RASSF9: variants seen among roughly 807,000 people sequenced by gnomAD.
RASSF9 encodes the protein ras association domain-containing protein 9.
In RASSF9, 18 loss-of-function variants were observed where a neutral mutation model predicts 21.4. That is an observed-to-expected ratio of 0.84 (90% confidence interval 0.58 to 1.25). The LOEUF (loss-of-function observed/expected upper bound fraction) is 1.25. RASSF9 is among the 50% of genes most tolerant of loss of function. The pLI, the probability that RASSF9 is intolerant of heterozygous loss-of-function variation, is 0.00. For missense variants in RASSF9, 480 were observed against 503.2 expected, an observed-to-expected ratio of 0.95 and a Z score of 0.44; for synonymous variants, 183 against 179.1, an observed-to-expected ratio of 1.02 and a Z score of -0.18.
intron 1 of RASSF9, among the ~76,000 whole-genome samples, chr12:85,812,813 T>C (rs1879980990): frequency 6.6e-6 from 1 of 151,754 alleles, no homozygotes; most frequent in Non-Finnish European, 1.5e-5. Flanking sequence ...TTGAACTTAC[T>C]ATAGTAGTTA....
rs146458771 is a variant in RASSF9 at position 85,804,254 on chromosome 12, C to G, written c.*448G>C. On this transcript the variant is annotated 3_prime_UTR_variant, in exon 2 of 2. Coordinates refer to ENST00000361228, the MANE Select transcript of RASSF9 (RefSeq NM_005447.4). The stretch of plus-strand genomic sequence containing the variant: ...ACTTTGAATTAATGCAGTTACAACA[C>G]AGTAGCTCCCATATACTTTACAGAT... 1,356 of 154,674 alleles carry G rather than the reference C, an allele frequency of 8.8e-3. 13 individuals are homozygous for G. The highest frequency in any genetic ancestry group is 0.015 in the Non-Finnish European group (1,080 of 69,700). The allele number at this position is 154,674 out of a possible 1,614,324, so 9.6% of individuals were successfully genotyped here. A position where few individuals can be genotyped will look rare whatever the true frequency, so the allele number is the denominator to read the frequency against.
At chr12:85,826,596 T>C (rs4919778) in intron 1 of RASSF9, among the ~76,000 whole-genome samples, 134,341 of 151,538 alleles carry the variant, frequency 0.89, 59,734 homozygotes, top group East Asian at 1. Context: ...TACAGGCACC[T>C]GCCACCGTGC....
chr12:85,826,422 G>A (rs1880333522), intron 1 of RASSF9, among the ~76,000 whole-genome samples: 1 of 149,254 alleles, frequency 6.7e-6, no homozygotes, highest in South Asian at 2.1e-4. Flanking sequence ...TGGCCCACTC[G>A]TATTCTTTCT....
chr12:85,831,514 T>C (rs1880451322), intron 1 of RASSF9, among the ~76,000 whole-genome samples: 1 of 151,918 alleles, frequency 6.6e-6, no homozygotes, highest in Non-Finnish European at 1.5e-5. Context: ...TTGTCAGGGA[T>C]AAAGCATTCC....
At chr12:85,825,143 C>A (rs1005266621) in intron 1 of RASSF9, among the ~76,000 whole-genome samples, 2 of 152,138 alleles carry the variant, frequency 1.3e-5, no homozygotes, top group South Asian at 4.1e-4. Flanking sequence ...GCTAGGATTA[C>A]AGGTGCGTGC....
chr12:85,816,671 C>A (rs903796454), intron 1 of RASSF9, among the ~76,000 whole-genome samples: 15 of 151,874 alleles, frequency 9.9e-5, no homozygotes, highest in Non-Finnish European at 7.4e-5. Context: ...CTAACATATG[C>A]AATATGAAAT....
intron 1 of RASSF9, among the ~76,000 whole-genome samples, chr12:85,830,290 T>C (rs1477624977): frequency 6.6e-6 from 1 of 152,128 alleles, no homozygotes; most frequent in Admixed American, 6.5e-5. Flanking sequence ...GTATGTCATC[T>C]ATTTATTAGA....
In RASSF9 at chr12:85,808,169, C is replaced by T. The variant is rs180716347; in HGVS notation, c.48-2207G>A. Among the ~76,000 whole-genome samples, 269 of 131,428 alleles carry T rather than the reference C, an allele frequency of 2.0e-3. 12 individuals carry two copies. In the East Asian group the frequency reaches 0.042, roughly 21 times the overall value. The allele number at this position is 131,428 out of a possible 152,430, so 86.2% of individuals were successfully genotyped here. A position where few individuals can be genotyped will look rare whatever the true frequency, so the allele number is the denominator to read the frequency against. On this transcript the variant is annotated intron_variant, in intron 1 of 1. Transcript: ENST00000361228. ...TGTTGCTATCTTTATTTTAAATTAACTAACTCTTATACTTTGGTTATTGAC... is the reference window on the plus strand; with the variant it reads ...TGTTGCTATCTTTATTTTAAATTAATTAACTCTTATACTTTGGTTATTGAC...
intron 1 of RASSF9, among the ~76,000 whole-genome samples, chr12:85,834,212 T>G (rs1880512770): frequency 6.6e-6 from 1 of 152,038 alleles, no homozygotes; most frequent in Non-Finnish European, 1.5e-5. Context: ...AATACAAATC[T>G]GTAAAGGGAA....
chr12:85,814,844 T>A (rs1337487775), intron 1 of RASSF9, among the ~76,000 whole-genome samples: 1 of 152,034 alleles, frequency 6.6e-6, no homozygotes, highest in Non-Finnish European at 1.5e-5. Flanking sequence ...GAAATTGTAT[T>A]TGAATATATG....
chr12:85,805,922 C>A lies in RASSF9; in HGVS notation c.88G>T (p.Val30Leu), dbSNP rs747848418. 2 of 1,613,008 alleles carry A rather than the reference C, an allele frequency of 1.2e-6. No individual in the cohort carries two copies. Among genetic ancestry groups the A allele is most frequent in the Non-Finnish European group, 1.7e-6 (2 of 1,179,356 alleles). Residue 30 changes from valine to leucine, a missense_variant, in exon 2 of 2, where the codon GTG becomes TTG. By Grantham distance (32) the Val-to-Leu change is conservative (BLOSUM62 1). Coordinates refer to ENST00000361228, the MANE Select transcript of RASSF9 (RefSeq NM_005447.4). ...KDMDSEEKEIVVWVCQEEKLV... is the reference protein window; with the variant it reads ...KDMDSEEKEILVWVCQEEKLV... ...TTCTCTTCTTGGCAAACCCAAACCA[C>A]AATTTCCTTCTCTTCTGAATCCATG...
intron 1 of RASSF9, among the ~76,000 whole-genome samples, chr12:85,830,909 T>C (rs1028866187): frequency 6.6e-6 from 1 of 152,134 alleles, no homozygotes; most frequent in African/African-American, 2.4e-5. Flanking sequence ...AATTAGCACT[T>C]AAGAAATCAA....
intron 1 of RASSF9, among the ~76,000 whole-genome samples, chr12:85,833,074 T>G (rs1443530153): frequency 2.0e-5 from 3 of 149,690 alleles, no homozygotes; most frequent in Admixed American, 6.7e-5. Context: ...CCCAAATTGT[T>G]GAACTAAATA....
intron 1 of RASSF9, among the ~76,000 whole-genome samples, chr12:85,809,668 AATGATGATG>A (rs112741704): frequency 0.11 from 14,864 of 139,162 alleles, 977 homozygotes; most frequent in African/African-American, 0.18. Context: ...GAATAGTAAT[AATGATGATG>A]ATGATGATGA....
chr12:85,818,627 C>G (rs902736968), intron 1 of RASSF9, among the ~76,000 whole-genome samples: 57 of 152,156 alleles, frequency 3.7e-4, no homozygotes, highest in African/African-American at 1.3e-3. Context: ...AGTGGCTCAT[C>G]ATACACAGTC....
At chr12:85,808,866 A>G (rs927845043) in intron 1 of RASSF9, among the ~76,000 whole-genome samples, 11 of 152,202 alleles carry the variant, frequency 7.2e-5, no homozygotes, top group African/African-American at 2.6e-4. Context: ...TATAATGCTA[A>G]TAGTTATTAT....
chr12:85,822,975 C>A (rs1014288629), intron 1 of RASSF9, among the ~76,000 whole-genome samples: 2 of 152,006 alleles, frequency 1.3e-5, no homozygotes, highest in Non-Finnish European at 2.9e-5. Context: ...CCGAGGCGGG[C>A]GGATCACGAG....
intron 1 of RASSF9, among the ~76,000 whole-genome samples, chr12:85,833,918 G>T (rs370851794): frequency 1.3e-5 from 2 of 152,030 alleles, no homozygotes; most frequent in Admixed American, 6.6e-5. Context: ...TTTAAGAAAA[G>T]ATATTTTGTT....
chr12:85,804,719 C>T lies in RASSF9; in HGVS notation c.1291G>A (p.Val431Met). Residue 431 changes from valine to methionine, a missense_variant, in exon 2 of 2, where the codon GTG becomes ATG. Coordinates refer to ENST00000361228, the MANE Select transcript of RASSF9 (RefSeq NM_005447.4). Reference sequence around the variant, plus strand: ...CATTGGAACTATGTTGACAACAGCACCACATCTCCTACTGTTGTTTCGGAG... The same window carrying T: ...CATTGGAACTATGTTGACAACAGCATCACATCTCCTACTGTTGTTTCGGAG... Reference protein sequence around the residue: ...QDSETTVGDVVLLST With the variant: ...QDSETTVGDVMLLST 6.2e-7 allele frequency: 1 copy of T among 1,603,118 alleles called. No individual in the cohort carries two copies. The highest frequency in any genetic ancestry group is 8.5e-7 in the Non-Finnish European group (1 of 1,171,478).
Sources: gnomAD v4.1 joint callset for allele counts (sites outside exome capture counted in the v4.1 genomes callset) on GRCh38, gnomAD v4.1.1 for gene constraint, MANE v1.5 for transcripts, NCBI Gene and HGNC (gene_info 2026-07-23, HGNC 2026-07-21) for gene names.